The following FHIP2A variants were observed in gnomAD, a reference collection of about 807,000 sequenced individuals.
FHIP2A encodes the protein FHF complex subunit HOOK interacting protein 2A.
FHIP2A carries 46 observed loss-of-function variants against 93.5 expected under a neutral mutation model. The observed-to-expected ratio is 0.49, with a 90% CI of 0.39 to 0.63. The LOEUF (loss-of-function observed/expected upper bound fraction) is 0.63, where lower values mean the gene tolerates loss of function less well. Among genes scored for constraint, FHIP2A ranks in the 20% least tolerant of loss-of-function variants. The probability of loss-of-function intolerance (pLI) is 0.00; values close to 1 mark genes in which losing one functional copy is unlikely to be tolerated. For synonymous variants in FHIP2A, 332 were observed against 326.5 expected, an observed-to-expected ratio of 1.02 and a Z score of -0.18; for missense variants, 769 against 909.7, an observed-to-expected ratio of 0.85 and a Z score of 1.99.
intron 1 of FHIP2A, among the ~76,000 whole-genome samples, chr10:114,824,072 A>G (rs1275782681): frequency 1.3e-5 from 2 of 152,178 alleles, no homozygotes; most frequent in Non-Finnish European, 2.9e-5. Flanking sequence ...CAATCTAGAG[A>G]TGATTTAAAG....
In FHIP2A at chr10:114,829,649, A is replaced by T. The variant is rs190259678; in HGVS notation, c.46-1203A>T. On this transcript the variant is annotated intron_variant, in intron 1 of 16. Transcript: ENST00000369248. ...TGACCTCCAGTCTCATCGTGTGACT[A>T]AGAATGCCTAACCTCCTGGGAATGC... Among the ~76,000 whole-genome samples the T allele has an allele frequency of 1.9e-4, 29 of 152,290 alleles. 1 individual carries two copies. The highest frequency in any genetic ancestry group is 1.7e-3 in the Admixed American group (26 of 15,294).
At position 114,864,037 on chromosome 10, in the gene FHIP2A, C is replaced by T. The variant is rs1566379463; in HGVS notation, c.*2497C>T. On this transcript the variant is annotated 3_prime_UTR_variant, in exon 17 of 17. Coordinates refer to ENST00000369248, the MANE Select transcript of FHIP2A (RefSeq NM_020940.4). ...ACTATGTAACTTTCTCGTAATGTAT[C>T]TGTTTGTGCAATATGGAAGCTGTGA... 1.0e-6 allele frequency: 1 copy of T among 994,190 alleles called. No homozygotes were observed. The highest frequency in any genetic ancestry group is 1.2e-6 in the Non-Finnish European group (1 of 835,568). 61.6% of individuals were successfully genotyped at this position (994,190 alleles called of 1,614,324 possible). A position where few individuals can be genotyped will look rare whatever the true frequency, so the allele number is the denominator to read the frequency against.
intron 16 of FHIP2A, among the ~76,000 whole-genome samples, chr10:114,889,727 C>T (rs1203299851): frequency 2.0e-5 from 3 of 152,240 alleles, no homozygotes; most frequent in East Asian, 1.9e-4. Context: ...AGTGCTGATG[C>T]CCCCTCACCA....
chr10:114,830,806 T>C lies in FHIP2A; in HGVS notation c.46-46T>C, dbSNP rs779710573. On this transcript the variant is annotated intron_variant, in intron 1 of 16. Transcript: ENST00000369248. Reference sequence around the variant, plus strand: ...ATACAGAGTTATAAGTTATGGGAAATTTTCAATGCCATTTTCTTAATTGTT... The same window carrying C: ...ATACAGAGTTATAAGTTATGGGAAACTTTCAATGCCATTTTCTTAATTGTT... The C allele has an allele frequency of 9.6e-6, 13 of 1,349,016 alleles. No homozygotes were observed. The South Asian group carries it at 1.4e-4, about 14-fold the overall frequency. The allele number at this position is 1,349,016 out of a possible 1,614,324, so 83.6% of individuals were successfully genotyped here.
intron 5 of FHIP2A, among the ~76,000 whole-genome samples, chr10:114,842,109 G>A (rs1000873496): frequency 6.6e-6 from 1 of 152,090 alleles, no homozygotes; most frequent in African/African-American, 2.4e-5. Flanking sequence ...CCAGGCTGGA[G>A]TGCAGTGGCA....
rs577722777 is a variant in FHIP2A, at chr10:114,851,273, C to T, written c.1803+2536C>T. Among the ~76,000 whole-genome samples, 7 of 152,174 alleles carry T rather than the reference C, an allele frequency of 4.6e-5. No homozygotes were observed. In the South Asian group the frequency reaches 1.0e-3, roughly 23 times the overall value. ...TATTTTTTCTTCATGCTTTTTGTGC[C>T]GTACCTAAGAAATCATTGCCTAACC... is the stretch of plus-strand genomic sequence containing the variant. On this transcript the variant is annotated intron_variant, in intron 13 of 16. Coordinates refer to ENST00000369248, the MANE Select transcript of FHIP2A (RefSeq NM_020940.4).
intron 2 of FHIP2A, among the ~76,000 whole-genome samples, chr10:114,831,398 T>C (rs2083607008): frequency 6.6e-6 from 1 of 152,084 alleles, no homozygotes; most frequent in African/African-American, 2.4e-5. Flanking sequence ...GCCTGCTAGA[T>C]ATCTGGGGGA....
chr10:114,864,389 G>T lies in FHIP2A; in HGVS notation c.*2849G>T. On this transcript the variant is annotated 3_prime_UTR_variant, in exon 17 of 17. Coordinates refer to ENST00000369248, the MANE Select transcript of FHIP2A (RefSeq NM_020940.4). ...GTAAATCAAATATGCATGTCATTGT[G>T]ACACTTTATGTGTTAAAACATGGTA... 1 of 985,614 alleles carries T rather than the reference G, an allele frequency of 1.0e-6. No individual in the cohort carries two copies. The highest frequency in any genetic ancestry group is 1.2e-6 in the Non-Finnish European group (1 of 829,708). The allele number at this position is 985,614 out of a possible 1,614,324, so 61.1% of individuals were successfully genotyped here. A position where few individuals can be genotyped will look rare whatever the true frequency, so the allele number is the denominator to read the frequency against.
At chr10:114,839,516 T>C (rs1303893763) in intron 5 of FHIP2A, among the ~76,000 whole-genome samples, 2 of 152,234 alleles carry the variant, frequency 1.3e-5, no homozygotes, top group Non-Finnish European at 2.9e-5. Context: ...GTCATCTTTC[T>C]CTATTCATTA....
At position 114,843,181 on chromosome 10, in the gene FHIP2A, G is replaced by A; in HGVS notation, c.771G>A (p.Gln257=). The A allele has an allele frequency of 6.2e-7, 1 of 1,613,684 alleles. No homozygotes were observed. Among genetic ancestry groups the A allele is most frequent in the Non-Finnish European group, 8.5e-7 (1 of 1,179,828 alleles). ...AGGCCTCGGTTGTTTGTCCAAATCA[G>A]GATTACAATTTAGTGAATTCTTTGT... is the stretch of plus-strand genomic sequence containing the variant. ...LPEASVVCPN[Q]DYNLVNSLLN... is the part of the protein sequence containing the mutation. The change falls in exon 6 of 17, where the codon CAG becomes CAA. Residue 257 remains glutamine (Q), a synonymous_variant. Coordinates refer to ENST00000369248, the MANE Select transcript of FHIP2A (RefSeq NM_020940.4).
chr10:114,869,585 T>C (rs1454029251), downstream of FHIP2A, among the ~76,000 whole-genome samples: 5 of 152,208 alleles, frequency 3.3e-5, no homozygotes, highest in African/African-American at 1.2e-4. Context: ...TCATTAGTAA[T>C]GTAGCTTGGA....
At position 114,846,002 on chromosome 10, in the gene FHIP2A, C is replaced by T; in HGVS notation, c.1129-11C>T. ...ATTAAAAAAAAAAATGATGTTCCTACTATATTCTAGACTGCTGCTGTTGCT... is the reference window on the plus strand; with the variant it reads ...ATTAAAAAAAAAAATGATGTTCCTATTATATTCTAGACTGCTGCTGTTGCT... On this transcript the variant is annotated splice_polypyrimidine_tract_variant and intron_variant, in intron 8 of 16. Coordinates refer to ENST00000369248, the MANE Select transcript of FHIP2A (RefSeq NM_020940.4). The T allele has an allele frequency of 6.3e-7, 1 of 1,590,136 alleles. No homozygotes were observed. Among genetic ancestry groups the T allele is most frequent in the Non-Finnish European group, 8.6e-7 (1 of 1,165,560 alleles).
At chr10:114,883,832 G>A (rs1233063399) in intron 16 of FHIP2A, among the ~76,000 whole-genome samples, 1 of 152,084 alleles carries the variant, frequency 6.6e-6, no homozygotes, top group Admixed American at 6.6e-5. Context: ...CACCCGCCTT[G>A]GCCTCCCAAA....
chr10:114,864,510 T>A lies in FHIP2A; in HGVS notation c.*2970T>A. The A allele has an allele frequency of 3.0e-6, 3 of 985,806 alleles. No homozygotes were observed. The highest frequency in any genetic ancestry group is 3.6e-6 in the Non-Finnish European group (3 of 829,920). 61.1% of individuals were successfully genotyped at this position (985,806 alleles called of 1,614,324 possible). On this transcript the variant is annotated 3_prime_UTR_variant, in exon 17 of 17. Coordinates refer to ENST00000369248, the MANE Select transcript of FHIP2A (RefSeq NM_020940.4). ...ACATTAAACAGGATATTTGGTAAAT[T>A]TTTTTGTATTGAAAGTTGTGTAGGT...
At position 114,861,460 on chromosome 10, in the gene FHIP2A, G is replaced by A; in HGVS notation, c.2218G>A (p.Gly740Ser). ...TATTGACCACATCACACTGCTAGAG[G>A]GTGTGATTGTGTTAGAAGAGTTCTG... The part of the protein sequence containing the change: ...PIIDHITLLE[G>S]VIVLEEFCKE... The change falls in exon 17 of 17, where the codon GGT becomes AGT. Residue 740 changes from glycine (G) to serine (S), a missense_variant. Physicochemically the swap from Gly to Ser is moderately conservative, Grantham distance 56 (BLOSUM62 0). Coordinates refer to ENST00000369248, the MANE Select transcript of FHIP2A (RefSeq NM_020940.4). 6.2e-7 allele frequency: 1 copy of A among 1,614,014 alleles called. No individual in the cohort carries two copies. The highest frequency in any genetic ancestry group is 1.1e-5 in the South Asian group (1 of 91,078).
intron 16 of FHIP2A, among the ~76,000 whole-genome samples, chr10:114,877,380 T>C (rs1359320537): frequency 6.6e-6 from 1 of 152,140 alleles, no homozygotes; most frequent in Admixed American, 6.5e-5. Context: ...CCGCAAAATA[T>C]GGATACGCTA....
chr10:114,888,358 G>C (rs1051249176), intron 16 of FHIP2A, among the ~76,000 whole-genome samples: 1 of 152,164 alleles, frequency 6.6e-6, no homozygotes, highest in Admixed American at 6.5e-5. Flanking sequence ...GAGACGGGAG[G>C]CTGCTCAAAA....
intron 14 of FHIP2A, among the ~76,000 whole-genome samples, chr10:114,860,351 G>A (rs2083790234): frequency 1.3e-5 from 2 of 152,026 alleles, no homozygotes; most frequent in African/African-American, 4.8e-5. Context: ...GGTGGATTCT[G>A]CTTTCTTTTT....
rs2083685214 is a variant in FHIP2A, at chr10:114,843,923, A to G, written c.999A>G (p.Glu333=). The change falls in exon 7 of 17, where the codon GAA becomes GAG. Residue 333 remains glutamate, a synonymous_variant. Transcript: ENST00000369248. Reference sequence around the variant, plus strand: ...ATCCGTTAGATATTGAAACCGTGGAAGCAATTAACTGGGGGTAAGCACCGT... The same window carrying G: ...ATCCGTTAGATATTGAAACCGTGGAGGCAATTAACTGGGGGTAAGCACCGT... The part of the protein sequence containing the change: ...SVDPLDIETV[E]AINWGLDSYS... The G allele has an allele frequency of 1.3e-6, 2 of 1,571,244 alleles. No homozygotes were observed. Among genetic ancestry groups the G allele is most frequent in the South Asian group, 1.2e-5 (1 of 83,108 alleles).
Sources: gnomAD v4.1 joint callset for allele counts (sites outside exome capture counted in the v4.1 genomes callset) on GRCh38, gnomAD v4.1.1 for gene constraint, MANE v1.5 for transcripts, NCBI Gene and HGNC (gene_info 2026-07-23, HGNC 2026-07-21) for gene names.